SYNDIG1L: variants seen among roughly 807,000 people sequenced by gnomAD.
The protein encoded by SYNDIG1L is synapse differentiation inducing 1 like.
SYNDIG1L carries 13 observed loss-of-function variants against 20.1 expected under a neutral mutation model. That is an observed-to-expected ratio of 0.65 (90% CI 0.42 to 1.03). The LOEUF is 1.03. SYNDIG1L is among the 50% of genes least tolerant of loss of function. The probability of loss-of-function intolerance (pLI) is 0.00; values close to 1 mark genes in which losing one functional copy is unlikely to be tolerated. For synonymous variants in SYNDIG1L, 128 were observed against 129.3 expected (o/e 0.99, Z 0.07); for missense variants, 294 against 305.1 (o/e 0.96, Z 0.27).
At chr14:74,473,113 G>C in the SYNDIG1L span, among the ~76,000 whole-genome samples, 1 of 152,176 alleles carries the variant, frequency 6.6e-6, no homozygotes, top group Non-Finnish European at 1.5e-5. Flanking sequence ...TGGGCGCGGT[G>C]GCTCATGCTT....
chr14:74,435,722 T>G, the SYNDIG1L span, among the ~76,000 whole-genome samples: 69 of 152,350 alleles, frequency 4.5e-4, no homozygotes, highest in African/African-American at 1.6e-3. Flanking sequence ...AGCTGACGAC[T>G]GCTGGAACTG....
rs552733752 is a variant in SYNDIG1L at position 74,406,440 on chromosome 14, C to G, written c.*1095G>C. The G allele has an allele frequency of 1.4e-4, 30 of 208,700 alleles. No homozygotes were observed. The highest frequency in any genetic ancestry group is 6.8e-4 in the African/African-American group (30 of 43,834). 12.9% of individuals were successfully genotyped at this position (208,700 alleles called of 1,614,324 possible). ...TCCCATGGAAGGTTCCTGCCACATC[C>G]CTGCCTACAAATACAAAGAGTTATG... On this transcript the variant is annotated 3_prime_UTR_variant, in exon 4 of 4. Coordinates refer to ENST00000331628, the MANE Select transcript of SYNDIG1L (RefSeq NM_001105579.2).
the SYNDIG1L span, among the ~76,000 whole-genome samples, chr14:74,457,921 C>T: frequency 5.1e-3 from 778 of 152,196 alleles, 5 homozygotes; most frequent in Middle Eastern, 0.034. Flanking sequence ...CCCCAGCCTC[C>T]TGAGTAGCTG....
At chr14:74,446,364 A>G in the SYNDIG1L span, among the ~76,000 whole-genome samples, 5 of 152,224 alleles carry the variant, frequency 3.3e-5, no homozygotes, top group African/African-American at 7.2e-5. Context: ...AAAAAAATTA[A>G]TGATAGAGAA....
the SYNDIG1L span, among the ~76,000 whole-genome samples, chr14:74,456,126 G>C: frequency 6.6e-6 from 1 of 152,186 alleles, no homozygotes; most frequent in African/African-American, 2.4e-5. Context: ...TGAGGGCCTG[G>C]CTTCTTGTCC....
At chr14:74,408,626 T>G (rs2086104972) in intron 2 of SYNDIG1L, among the ~76,000 whole-genome samples, 1 of 148,650 alleles carries the variant, frequency 6.7e-6, no homozygotes, top group East Asian at 2.0e-4. Context: ...TGTTAATAAA[T>G]GATGGAAGAA....
chr14:74,454,504 C>G, the SYNDIG1L span, among the ~76,000 whole-genome samples: 24 of 152,204 alleles, frequency 1.6e-4, no homozygotes, highest in Admixed American at 1.6e-3. Flanking sequence ...GGCCAGAGAG[C>G]AGCCCTGAGA....
intron 1 of SYNDIG1L, among the ~76,000 whole-genome samples, chr14:74,413,034 C>A (rs1430990858): frequency 1.3e-5 from 2 of 152,198 alleles, no homozygotes; most frequent in African/African-American, 4.8e-5. Context: ...AGGAGGACTG[C>A]CCTCCTGTCT....
the SYNDIG1L span, among the ~76,000 whole-genome samples, chr14:74,465,438 G>A: frequency 6.6e-6 from 1 of 152,178 alleles, no homozygotes; most frequent in East Asian, 1.9e-4. Flanking sequence ...CCTGGAGAGT[G>A]GAGAGCTCTG....
At chr14:74,456,796 C>T in the SYNDIG1L span, among the ~76,000 whole-genome samples, 1 of 151,958 alleles carries the variant, frequency 6.6e-6, no homozygotes, top group Non-Finnish European at 1.5e-5. Context: ...CTAGTAGGGC[C>T]ACCTTGGCTC....
the SYNDIG1L span, among the ~76,000 whole-genome samples, chr14:74,436,261 C>T: frequency 2.0e-5 from 3 of 148,170 alleles, no homozygotes; most frequent in Non-Finnish European, 4.4e-5. Context: ...TAGTGTCTTG[C>T]TCTGTCGCCC....
the SYNDIG1L span, among the ~76,000 whole-genome samples, chr14:74,441,644 T>C: frequency 6.6e-6 from 1 of 152,130 alleles, no homozygotes; most frequent in African/African-American, 2.4e-5. Context: ...TACCTAGGAC[T>C]ACAGGTGAGT....
upstream of SYNDIG1L, among the ~76,000 whole-genome samples, chr14:74,427,232 CAGG>C (rs2086274199): frequency 6.7e-6 from 1 of 149,724 alleles, no homozygotes; most frequent in Admixed American, 6.8e-5. Context: ...CCCAGGAGGT[CAGG>C]AGGAGAGAGT....
upstream of SYNDIG1L, among the ~76,000 whole-genome samples, chr14:74,429,216 C>G (rs1023328636): frequency 1.3e-5 from 2 of 152,170 alleles, no homozygotes; most frequent in African/African-American, 4.8e-5. Context: ...CTCGCTGGGA[C>G]TAGGGTGAGG....
At chr14:74,474,238 C>T in the SYNDIG1L span, 1 of 152,246 alleles carries the variant, frequency 6.6e-6, no homozygotes, top group Admixed American at 6.5e-5. Flanking sequence ...TCAGTCAGGC[C>T]TGGAGGCTTT....
At chr14:74,450,999 C>T in the SYNDIG1L span, among the ~76,000 whole-genome samples, 7 of 152,020 alleles carry the variant, frequency 4.6e-5, no homozygotes, top group Non-Finnish European at 1.0e-4. Flanking sequence ...TGTCAGTATC[C>T]CCCAGATTGA....
the SYNDIG1L span, among the ~76,000 whole-genome samples, chr14:74,453,352 CAAAAAAAAAAAAAAAAAAAAAA>C: frequency 1.5e-4 from 4 of 26,782 alleles, no homozygotes; most frequent in Admixed American, 1.5e-3. Context: ...GACTCTGTCT[CAAAAAAAAAAAAAAAAAAAAAA>C]AAAAAAAAAA....
chr14:74,408,041 C>G, intron 2 of SYNDIG1L, 52 bp from the exon 3 acceptor site: 1 of 1,538,776 alleles, frequency 6.5e-7, no homozygotes, highest in Non-Finnish European at 8.7e-7. Context: ...CCAGCCCCAT[C>G]AGGCTGGCAA....
the SYNDIG1L span, among the ~76,000 whole-genome samples, chr14:74,470,104 T>C: frequency 6.6e-6 from 1 of 152,156 alleles, no homozygotes; most frequent in Non-Finnish European, 1.5e-5. Context: ...AGGCATTGTC[T>C]AGGAGTTCTT....
Sources: allele counts gnomAD v4.1 joint callset (sites outside exome capture counted in the v4.1 genomes callset), GRCh38; gene constraint gnomAD v4.1.1; transcripts MANE v1.5; gene names NCBI Gene and HGNC (gene_info 2026-07-23, HGNC 2026-07-21).